GRIN2A: variants seen among roughly 807,000 people sequenced by gnomAD.
GRIN2A encodes the protein glutamate receptor ionotropic, NMDA 2A.
Under a neutral mutation model 113.4 loss-of-function variants are expected in GRIN2A, and 22 were observed. That is an observed-to-expected ratio of 0.19 (90% CI 0.14 to 0.28). The LOEUF (loss-of-function observed/expected upper bound fraction) is 0.28. Among genes scored for constraint, GRIN2A ranks in the 10% least tolerant of loss-of-function variants. The pLI is 1.00. For missense variants in GRIN2A, 1,502 were observed against 1,887.0 expected (o/e 0.80, Z 3.78); for synonymous variants, 827 against 738.4 (o/e 1.12, Z -1.94).
At chr16:10,074,829 A>G (rs568090009) in intron 2 of GRIN2A, among the ~76,000 whole-genome samples, 1 of 152,346 alleles carries the variant, frequency 6.6e-6, no homozygotes, top group East Asian at 1.9e-4. Context: ...AATATAGTCA[A>G]TATACTAAAA....
At chr16:10,093,304 C>T (rs1393760935) in intron 2 of GRIN2A, among the ~76,000 whole-genome samples, 1 of 152,152 alleles carries the variant, frequency 6.6e-6, no homozygotes, top group Non-Finnish European at 1.5e-5. Context: ...TTGCCTAGCT[C>T]CAAAAGGAGC....
At chr16:9,821,926 C>G (rs1210906788) in intron 10 of GRIN2A, among the ~76,000 whole-genome samples, 1 of 152,186 alleles carries the variant, frequency 6.6e-6, no homozygotes, top group Non-Finnish European at 1.5e-5. Flanking sequence ...TGATAAAAAT[C>G]TTTGTTTTCA....
At chr16:9,865,485 G>C (rs1432625094) in intron 4 of GRIN2A, among the ~76,000 whole-genome samples, 1 of 152,144 alleles carries the variant, frequency 6.6e-6, no homozygotes, top group Non-Finnish European at 1.5e-5. Context: ...CGTGCATTTG[G>C]AGTTGGAAGA....
At chr16:9,966,859 C>A (rs2045565145) in intron 2 of GRIN2A, among the ~76,000 whole-genome samples, 1 of 152,172 alleles carries the variant, frequency 6.6e-6, no homozygotes, top group Non-Finnish European at 1.5e-5. Flanking sequence ...CATATTTTGG[C>A]CCTATCTCAA....
At chr16:10,052,402 C>T (rs2047374096) in intron 2 of GRIN2A, among the ~76,000 whole-genome samples, 1 of 152,224 alleles carries the variant, frequency 6.6e-6, no homozygotes, top group African/African-American at 2.4e-5. Flanking sequence ...AGCCTGTGCT[C>T]CTTCCCATGC....
At chr16:9,815,892 G>A (rs1596457325) in intron 10 of GRIN2A, among the ~76,000 whole-genome samples, 1 of 152,336 alleles carries the variant, frequency 6.6e-6, no homozygotes, top group Admixed American at 6.5e-5. Flanking sequence ...ATGAATGGAT[G>A]AGCAAAATGT....
chr16:10,027,060 A>C (rs1480941545), intron 2 of GRIN2A, among the ~76,000 whole-genome samples: 1 of 152,134 alleles, frequency 6.6e-6, no homozygotes, highest in African/African-American at 2.4e-5. Flanking sequence ...TGACACATTA[A>C]ATATTTGTTA....
chr16:9,993,181 C>T (rs887994794), intron 2 of GRIN2A, among the ~76,000 whole-genome samples: 23 of 151,572 alleles, frequency 1.5e-4, no homozygotes, highest in East Asian at 3.9e-4. Flanking sequence ...TGCAGTGAGC[C>T]GAGATCTCTC....
rs893889745 is a variant in GRIN2A at position 9,756,169 on chromosome 16, A to G, written c.*6980T>C. 4.4e-6 allele frequency: 1 copy of G among 226,194 alleles called. No homozygotes were observed. The highest frequency in any genetic ancestry group is 2.2e-5 in the African/African-American group (1 of 44,942). 14.0% of individuals were successfully genotyped at this position (226,194 alleles called of 1,614,324 possible). On this transcript the variant is annotated 3_prime_UTR_variant, in exon 13 of 13. Coordinates refer to ENST00000330684, the MANE Select transcript of GRIN2A (RefSeq NM_001134407.3). Reference sequence around the variant, plus strand: ...ACCCACACACATGAGAGCATGTACTATGTATATATGTTTAATGGAATTAGC... The same window carrying G: ...ACCCACACACATGAGAGCATGTACTGTGTATATATGTTTAATGGAATTAGC...
chr16:9,876,775 T>G (rs950700373), intron 4 of GRIN2A, among the ~76,000 whole-genome samples: 2 of 152,122 alleles, frequency 1.3e-5, no homozygotes, highest in African/African-American at 4.8e-5. Flanking sequence ...TGAATTACGG[T>G]TGGTCTGATG....
chr16:9,975,299 G>T (rs1254568741), intron 2 of GRIN2A, among the ~76,000 whole-genome samples: 1 of 152,084 alleles, frequency 6.6e-6, no homozygotes, highest in Non-Finnish European at 1.5e-5. Context: ...AGTGATTATG[G>T]ACCTAAAAAC....
intron 2 of GRIN2A, among the ~76,000 whole-genome samples, chr16:10,128,167 C>G (rs1377228757): frequency 6.6e-6 from 1 of 152,200 alleles, no homozygotes; most frequent in Non-Finnish European, 1.5e-5. Context: ...TCACCACTGG[C>G]AGCTCACGGT....
intron 2 of GRIN2A, among the ~76,000 whole-genome samples, chr16:9,999,744 A>T (rs1323522234): frequency 2.6e-5 from 4 of 152,086 alleles, no homozygotes; most frequent in Non-Finnish European, 5.9e-5. Flanking sequence ...TATATATATA[A>T]AAAAGAAAAG....
intron 2 of GRIN2A, among the ~76,000 whole-genome samples, chr16:10,094,372 T>C (rs1182192592): frequency 2.0e-5 from 3 of 152,202 alleles, no homozygotes; most frequent in East Asian, 1.9e-4. Flanking sequence ...TCTTCATCTA[T>C]AGAATGTGGG....
chr16:9,834,409 ACT>A (rs2042551559), intron 7 of GRIN2A, among the ~76,000 whole-genome samples, 179 bp from the exon 8 acceptor site: 1 of 151,864 alleles, frequency 6.6e-6, no homozygotes, highest in African/African-American at 2.4e-5. Context: ...ATGTAGCTTC[ACT>A]CTCTGTGTCA....
At chr16:9,939,962 T>C (rs2044823592) in intron 2 of GRIN2A, among the ~76,000 whole-genome samples, 1 of 152,066 alleles carries the variant, frequency 6.6e-6, no homozygotes, top group Admixed American at 6.6e-5. Context: ...TTGCGTTCTG[T>C]ATTTACCATG....
intron 4 of GRIN2A, among the ~76,000 whole-genome samples, chr16:9,855,470 C>G (rs944168047): frequency 5.9e-5 from 9 of 152,190 alleles, no homozygotes; most frequent in African/African-American, 1.9e-4. Flanking sequence ...AAATGGAGAT[C>G]TGAGTTTCTT....
At chr16:9,910,131 T>C (rs1007315045) in intron 3 of GRIN2A, among the ~76,000 whole-genome samples, 1 of 152,186 alleles carries the variant, frequency 6.6e-6, no homozygotes, top group Non-Finnish European at 1.5e-5. Flanking sequence ...GGTTTACACT[T>C]TGGGTTACTA....
At chr16:10,097,013 C>T (rs767608365) in intron 2 of GRIN2A, among the ~76,000 whole-genome samples, 25 of 152,310 alleles carry the variant, frequency 1.6e-4, no homozygotes, top group Non-Finnish European at 3.4e-4. Context: ...AATTAAATAA[C>T]ATCAAGTCAC....
Sources: allele counts gnomAD v4.1 joint callset (sites outside exome capture counted in the v4.1 genomes callset), GRCh38; gene constraint gnomAD v4.1.1; transcripts MANE v1.5; gene names NCBI Gene and HGNC (gene_info 2026-07-23, HGNC 2026-07-21).